GASK1B: variants seen among roughly 807,000 people sequenced by gnomAD.
GASK1B encodes golgi associated kinase 1B, also known as Golgi-associated kinase 1B.
GASK1B carries 34 observed loss-of-function variants against 42.8 expected under a neutral mutation model. The observed-to-expected ratio is 0.79, with a 90% confidence interval of 0.60 to 1.06. The LOEUF (loss-of-function observed/expected upper bound fraction) is 1.06, where lower values mean the gene tolerates loss of function less well. Among genes scored for constraint, GASK1B ranks in the 50% least tolerant of loss-of-function variants. GASK1B has a pLI of 0.00. For missense variants in GASK1B, 686 were observed against 661.0 expected (o/e 1.04, Z -0.42); for synonymous variants, 262 against 259.1 (o/e 1.01, Z -0.11).
At position 158,157,116 on chromosome 4, in the gene GASK1B, T is replaced by C. The variant is rs114967235; in HGVS notation, c.911-1291A>G. On this transcript the variant is annotated intron_variant, in intron 2 of 4. Coordinates refer to ENST00000585682, the MANE Select transcript of GASK1B (RefSeq NM_001128424.2). ...TGGTGTTATACTAACCTTAATAGTT[T>C]GAATAGCATTCACTTAAATCATTCT... is the stretch of plus-strand genomic sequence containing the variant. Among the ~76,000 whole-genome samples, 929 of 152,248 alleles carry C rather than the reference T, an allele frequency of 6.1e-3. 9 individuals are homozygous for C. Among genetic ancestry groups the C allele is most frequent in the African/African-American group, 0.021 (860 of 41,568 alleles).
At chr4:158,168,652 TG>T (rs1046999475) in intron 2 of GASK1B, 1 of 152,150 alleles carries the variant, frequency 6.6e-6, no homozygotes, top group African/African-American at 2.4e-5. Context: ...GTCGTATGAT[TG>T]GTAAGTTCAA....
intron 3 of GASK1B, among the ~76,000 whole-genome samples, chr4:158,143,566 A>C (rs2110961451): frequency 6.6e-6 from 1 of 152,302 alleles, no homozygotes; most frequent in East Asian, 1.9e-4. Context: ...AATAGAAATG[A>C]AAAGGAAAAA....
chr4:158,151,500 C>T (rs575801189), intron 3 of GASK1B, among the ~76,000 whole-genome samples: 19 of 152,242 alleles, frequency 1.2e-4, no homozygotes, highest in African/African-American at 4.3e-4. Flanking sequence ...TAAGACTATT[C>T]CTCATACCTC....
intron 3 of GASK1B, among the ~76,000 whole-genome samples, chr4:158,142,875 C>G (rs1171276391): frequency 1.3e-5 from 2 of 152,154 alleles, no homozygotes; most frequent in African/African-American, 2.4e-5. Context: ...AACAAATGAT[C>G]TGGTTTCTTC....
At chr4:158,149,609 A>G (rs1259928112) in intron 3 of GASK1B, among the ~76,000 whole-genome samples, 1 of 152,134 alleles carries the variant, frequency 6.6e-6, no homozygotes, top group African/African-American at 2.4e-5. Context: ...ATTCTCAGGT[A>G]CTTCAGTATC....
At chr4:158,172,045 G>A (rs1278224034) in intron 1 of GASK1B, among the ~76,000 whole-genome samples, 1 of 152,062 alleles carries the variant, frequency 6.6e-6, no homozygotes, top group Non-Finnish European at 1.5e-5. Flanking sequence ...TTAGTCTAAA[G>A]GTACAAATTG....
At chr4:158,154,165 G>GAA (rs202053643) in intron 3 of GASK1B, among the ~76,000 whole-genome samples, 1 of 129,742 alleles carries the variant, frequency 7.7e-6, no homozygotes, top group Non-Finnish European at 1.6e-5. Context: ...AAATCAGCAA[G>GAA]AAAAAAAAAA....
rs549015439 is a variant in GASK1B, at chr4:158,171,229, G to A, written c.147C>T (p.Gly49=). ...LLGTACAIYL[G]FLVSQVGRAS... ...CCCTCCCCACCTGGCTCACCAGGAAGCCCAAGTAGATGGCACACGCAGTGC... is the reference window on the plus strand; with the variant it reads ...CCCTCCCCACCTGGCTCACCAGGAAACCCAAGTAGATGGCACACGCAGTGC... Residue 49 remains glycine, a synonymous_variant, in exon 2 of 5, where the codon GGC becomes GGT. Coordinates refer to ENST00000585682, the MANE Select transcript of GASK1B (RefSeq NM_001128424.2). The A allele has an allele frequency of 1.2e-6, 2 of 1,613,934 alleles. No homozygotes were observed. Among genetic ancestry groups the A allele is most frequent in the Admixed American group, 1.7e-5 (1 of 60,002 alleles).
intron 2 of GASK1B, among the ~76,000 whole-genome samples, chr4:158,166,877 G>A (rs1732249002): frequency 6.6e-6 from 1 of 152,120 alleles, no homozygotes; most frequent in South Asian, 2.1e-4. Flanking sequence ...TAAAGGATTT[G>A]TTGAGGGACG....
At chr4:158,142,190 C>T (rs1460476751) in intron 3 of GASK1B, among the ~76,000 whole-genome samples, 4 of 151,098 alleles carry the variant, frequency 2.6e-5, no homozygotes, top group African/African-American at 7.3e-5. Flanking sequence ...ATGATCCACC[C>T]GCCTCGGCCT....
intron 3 of GASK1B, among the ~76,000 whole-genome samples, chr4:158,138,810 A>C (rs1481401339): frequency 1.3e-5 from 2 of 152,166 alleles, no homozygotes; most frequent in Non-Finnish European, 2.9e-5. Context: ...TCTTTTGAAA[A>C]AATAAATTAA....
At chr4:158,158,281 T>A (rs1731833384) in intron 2 of GASK1B, among the ~76,000 whole-genome samples, 1 of 152,280 alleles carries the variant, frequency 6.6e-6, no homozygotes, top group East Asian at 1.9e-4. Flanking sequence ...GGTTTTGCTC[T>A]GATGATTATT....
chr4:158,126,419 A>T lies in GASK1B; in HGVS notation c.*988T>A, dbSNP rs759999694. 3 of 152,186 alleles carry T rather than the reference A, an allele frequency of 2.0e-5. No individual in the cohort carries two copies. Among genetic ancestry groups the T allele is most frequent in the Non-Finnish European group, 4.4e-5 (3 of 68,016 alleles). 9.4% of individuals were successfully genotyped at this position (152,186 alleles called of 1,614,324 possible). A position where few individuals can be genotyped will look rare whatever the true frequency, so the allele number is the denominator to read the frequency against. ...TACTCATGTTGAAATAAGCCAGATA[A>T]TATATTGAAACACACTCAATATTTG... On this transcript the variant is annotated 3_prime_UTR_variant, in exon 5 of 5. Coordinates refer to ENST00000585682, the MANE Select transcript of GASK1B (RefSeq NM_001128424.2).
intron 3 of GASK1B, among the ~76,000 whole-genome samples, chr4:158,137,929 T>C (rs1441614578): frequency 6.6e-6 from 1 of 152,218 alleles, no homozygotes; most frequent in African/African-American, 2.4e-5. Context: ...TAGGCTTCCT[T>C]GTGCCTCTGC....
intron 2 of GASK1B, among the ~76,000 whole-genome samples, chr4:158,158,116 C>T (rs779675637): frequency 1.3e-5 from 2 of 151,996 alleles, no homozygotes; most frequent in African/African-American, 4.8e-5. Context: ...CATTTTGTAA[C>T]GTTAGAGAAG....
chr4:158,140,916 A>T (rs1322580915), intron 3 of GASK1B, among the ~76,000 whole-genome samples: 2 of 152,090 alleles, frequency 1.3e-5, no homozygotes, highest in Admixed American at 6.5e-5. Context: ...CATAAAATTT[A>T]AAAATATATA....
intron 3 of GASK1B, among the ~76,000 whole-genome samples, chr4:158,150,758 C>A (rs1159658130): frequency 6.6e-6 from 1 of 152,202 alleles, no homozygotes; most frequent in African/African-American, 2.4e-5. Context: ...AAACCAGTTA[C>A]AGCCCCATAG....
At chr4:158,163,150 T>C (rs1439793923) in intron 2 of GASK1B, among the ~76,000 whole-genome samples, 4 of 152,192 alleles carry the variant, frequency 2.6e-5, no homozygotes, top group Non-Finnish European at 4.4e-5. Context: ...CTTCTTTAAA[T>C]GAAAATTTTA....
chr4:158,146,062 T>C (rs1294184687), intron 3 of GASK1B, among the ~76,000 whole-genome samples: 1 of 152,214 alleles, frequency 6.6e-6, no homozygotes, highest in Non-Finnish European at 1.5e-5. Flanking sequence ...TAAATATACG[T>C]GTATTGTGAG....
Sources: allele counts gnomAD v4.1 joint callset (sites outside exome capture counted in the v4.1 genomes callset), GRCh38; gene constraint gnomAD v4.1.1; transcripts MANE v1.5; gene names NCBI Gene and HGNC (gene_info 2026-07-23, HGNC 2026-07-21).